The following PCDHA6 variants were observed in gnomAD, a reference collection of about 807,000 sequenced individuals.
PCDHA6 encodes protocadherin alpha 6, also known as protocadherin alpha-6.
Under a neutral mutation model 60.3 loss-of-function variants are expected in PCDHA6, and 55 were observed. The observed-to-expected ratio is 0.91, with a 90% confidence interval of 0.73 to 1.14. The LOEUF is 1.14. Ranked by LOEUF, PCDHA6 falls within the 50% of genes most tolerant of loss-of-function variation. PCDHA6 has a pLI of 0.00. For synonymous variants in PCDHA6, 652 were observed against 557.9 expected (o/e 1.17, Z -2.38); for missense variants, 1,327 against 1,256.5 (o/e 1.06, Z -0.85).
chr5:140,955,726 C>T (rs934215613), intron 1 of PCDHA6, among the ~76,000 whole-genome samples: 1 of 152,264 alleles, frequency 6.6e-6, no homozygotes, highest in East Asian at 1.9e-4. Context: ...ACCATTGAAT[C>T]TATAAATTAC....
intron 1 of PCDHA6, among the ~76,000 whole-genome samples, chr5:140,965,818 A>G (rs1554227859): frequency 2.6e-5 from 4 of 152,344 alleles, no homozygotes; most frequent in African/African-American, 9.6e-5. Flanking sequence ...AGAGCATTTT[A>G]AACATTTAAA....
chr5:140,880,891 C>T (rs1475261918), intron 1 of PCDHA6, among the ~76,000 whole-genome samples: 2 of 151,984 alleles, frequency 1.3e-5, no homozygotes, highest in Non-Finnish European at 2.9e-5. Flanking sequence ...AATGTAGGGC[C>T]AGATAGAAAG....
At chr5:141,000,361 GTCTCTCTCTCTCTCTCTC>G (rs148596731) in intron 3 of PCDHA6, among the ~76,000 whole-genome samples, 25 of 26,446 alleles carry the variant, frequency 9.5e-4, no homozygotes, top group African/African-American at 4.9e-3. Context: ...GTCTCTCTCT[GTCTCTCTCTCTCTCTCTC>G]TCTCTCTCTC....
At position 140,842,920 on chromosome 5, in the gene PCDHA6, C is replaced by T. The variant is rs147542523; in HGVS notation, c.2394+12435C>T. 687 of 1,594,406 alleles carry T rather than the reference C, an allele frequency of 4.3e-4. 58 individuals are homozygous for T. Among genetic ancestry groups the T allele is most frequent in the South Asian group, 7.6e-4 (69 of 90,466 alleles). On this transcript the variant is annotated intron_variant, in intron 1 of 3. Transcript: ENST00000529310. ...ACGAGGAGCTAGAGCTGCTGCAGTT[C>T]CAGGTGAGCGCGCGCGACGCGGGCG...
intron 3 of PCDHA6, among the ~76,000 whole-genome samples, chr5:140,986,690 A>G (rs2097209589): frequency 6.6e-6 from 1 of 152,172 alleles, no homozygotes; most frequent in African/African-American, 2.4e-5. Flanking sequence ...AAAGTTTCAA[A>G]ACACACAGCA....
chr5:140,879,895 G>A (rs1176160335), intron 1 of PCDHA6, among the ~76,000 whole-genome samples: 2 of 152,112 alleles, frequency 1.3e-5, no homozygotes, highest in African/African-American at 4.8e-5. Context: ...TCCTCTCCAT[G>A]TCTCTCTCTA....
chr5:140,849,396 G>A (rs1554142933), intron 1 of PCDHA6: 1 of 1,544,756 alleles, frequency 6.5e-7, no homozygotes, highest in Non-Finnish European at 8.8e-7. Context: ...CTTAAGTGGG[G>A]CAATCACAGT....
At chr5:140,835,237 T>G (rs1271413656) in intron 1 of PCDHA6, 2 of 1,599,540 alleles carry the variant, frequency 1.3e-6, no homozygotes, top group Non-Finnish European at 1.7e-6. Context: ...TCCAGTGATG[T>G]TTCTCCAGAT....
At chr5:140,862,877 G>A (rs782429840) in intron 1 of PCDHA6, 3 of 567,440 alleles carry the variant, frequency 5.3e-6, no homozygotes, top group African/African-American at 3.8e-5. Context: ...CCAGGTATTA[G>A]TGCTGGAACG....
At chr5:140,988,856 C>G (rs1363693153) in intron 3 of PCDHA6, 1 of 152,180 alleles carries the variant, frequency 6.6e-6, no homozygotes, top group African/African-American at 2.4e-5. Context: ...CCTATCCAGT[C>G]TCATGTGCAC....
intron 1 of PCDHA6, chr5:140,926,752 C>T (rs1176032200): frequency 8.0e-7 from 1 of 1,254,344 alleles, no homozygotes; most frequent in Admixed American, 3.6e-5. Context: ...CGTCGGCGGT[C>T]GCTGAGTATC....
At chr5:140,836,909 CTT>C (rs1774804264) in intron 1 of PCDHA6, 2 of 579,626 alleles carry the variant, frequency 3.5e-6, no homozygotes, top group Admixed American at 3.6e-5. Flanking sequence ...TTAATATACA[CTT>C]TTGTTTTGGG....
In PCDHA6 at chr5:140,929,209, G is replaced by A. The variant is rs553616030; in HGVS notation, c.2395-49740G>A. Reference sequence around the variant, plus strand: ...TGATAATAACAGTTTGCTGTTGCGTGGGGAGTACAATGCTGCCGACCTGCG... The same window carrying A: ...TGATAATAACAGTTTGCTGTTGCGTAGGGAGTACAATGCTGCCGACCTGCG... On this transcript the variant is annotated intron_variant, in intron 1 of 3. Transcript: ENST00000529310. 71 of 1,614,054 alleles carry A rather than the reference G, an allele frequency of 4.4e-5. 2 individuals carry two copies. The South Asian group carries it at 7.1e-4, about 16-fold the overall frequency.
chr5:140,880,365 C>A (rs1462418898), intron 1 of PCDHA6, among the ~76,000 whole-genome samples: 1 of 151,976 alleles, frequency 6.6e-6, no homozygotes, highest in Non-Finnish European at 1.5e-5. Flanking sequence ...TAGATGAAAA[C>A]CATGAGAGAA....
chr5:140,835,556 C>CTG, intron 1 of PCDHA6: 8 of 1,613,914 alleles, frequency 5.0e-6, no homozygotes, highest in African/African-American at 1.3e-5. Flanking sequence ...CCCTGACGCC[C>CTG]CGCGTTCCCT....
In PCDHA6 at chr5:141,011,594, T is replaced by C. The variant is rs2098421156; in HGVS notation, c.*1657T>C. 6.5e-6 allele frequency: 1 copy of C among 153,764 alleles called. No homozygotes were observed. Among genetic ancestry groups the C allele is most frequent in the East Asian group, 1.9e-4 (1 of 5,202 alleles). The allele number at this position is 153,764 out of a possible 1,614,324, so 9.5% of individuals were successfully genotyped here. On this transcript the variant is annotated 3_prime_UTR_variant, in exon 4 of 4. Coordinates refer to ENST00000529310, the MANE Select transcript of PCDHA6 (RefSeq NM_018909.4). ...TTTCTTAAATCAAGATACTGGTGAT[T>C]CAAGGAATTTTATTTATGGTCCAGC...
chr5:140,982,254 T>C (rs1275431812), intron 2 of PCDHA6: 9 of 774,802 alleles, frequency 1.2e-5, no homozygotes, highest in Non-Finnish European at 1.5e-5. Flanking sequence ...AGATAGAACA[T>C]GTGTGTTCCT....
In PCDHA6 at chr5:140,978,956, A is replaced by G; in HGVS notation, c.2402A>G (p.Gln801Arg). 3 of 1,614,194 alleles carry G rather than the reference A, an allele frequency of 1.9e-6. No individual in the cohort carries two copies. The highest frequency in any genetic ancestry group is 2.5e-6 in the Non-Finnish European group (3 of 1,180,026). ...CTCTTTGTGATTTTGCAGCCACGAC[A>G]GCCCAACCCTGACTGGCGTTACTCT... ...LNEDHDAKPR[Q>R]PNPDWRYSAS... Residue 801 changes from glutamine (Q) to arginine (R), a missense_variant, in exon 2 of 4, where the codon CAG becomes CGG. Transcript: ENST00000529310.
intron 1 of PCDHA6, among the ~76,000 whole-genome samples, chr5:140,923,950 C>A (rs544576500): frequency 6.6e-6 from 1 of 152,148 alleles, no homozygotes; most frequent in Non-Finnish European, 1.5e-5. Context: ...TTTTTCCTCA[C>A]GCCCTAATCT....
Sources: gnomAD v4.1 joint callset for allele counts (sites outside exome capture counted in the v4.1 genomes callset) on GRCh38, gnomAD v4.1.1 for gene constraint, MANE v1.5 for transcripts, NCBI Gene and HGNC (gene_info 2026-07-23, HGNC 2026-07-21) for gene names.